Variants in ARID5B observed in about 807,000 individuals in gnomAD.
ARID5B encodes AT-rich interaction domain 5B, also known as AT-rich interactive domain-containing protein 5B.
ARID5B carries 13 observed loss-of-function variants against 97.2 expected under a neutral mutation model. The observed-to-expected ratio is 0.13, with a 90% CI of 0.09 to 0.21. The LOEUF is 0.21. Ranked by LOEUF, ARID5B falls within the 10% of genes least tolerant of loss-of-function variation. The pLI, the probability that ARID5B is intolerant of heterozygous loss-of-function variation, is 1.00. For synonymous variants in ARID5B, 556 were observed against 570.3 expected, an observed-to-expected ratio of 0.97 and a Z score of 0.36; for missense variants, 1,210 against 1,465.3, an observed-to-expected ratio of 0.83 and a Z score of 2.84.
intron 2 of ARID5B, among the ~76,000 whole-genome samples, chr10:61,911,727 G>T (rs1408024526): frequency 6.6e-6 from 1 of 152,098 alleles, no homozygotes; most frequent in Non-Finnish European, 1.5e-5. Context: ...ATGTTTTTTG[G>T]CTCATGCTCT....
intron 3 of ARID5B, among the ~76,000 whole-genome samples, chr10:61,944,578 G>A (rs1033291843): frequency 3.3e-5 from 5 of 152,114 alleles, no homozygotes; most frequent in African/African-American, 1.2e-4. Context: ...AGCGAAGTAT[G>A]AAAGCTGCAG....
At chr10:61,961,299 T>TA (rs537986390) in intron 3 of ARID5B, among the ~76,000 whole-genome samples, 1 of 152,200 alleles carries the variant, frequency 6.6e-6, no homozygotes, top group Admixed American at 6.5e-5. Flanking sequence ...ATCCTTAAAA[T>TA]AAAAAATATG....
intron 4 of ARID5B, among the ~76,000 whole-genome samples, chr10:62,043,160 G>A (rs563139175): frequency 6.6e-6 from 1 of 152,220 alleles, no homozygotes; most frequent in Non-Finnish European, 1.5e-5. Context: ...ATAGACCAGA[G>A]AGAAGGTGAG....
chr10:62,065,775 G>A (rs1051670728), intron 7 of ARID5B, among the ~76,000 whole-genome samples: 1 of 147,992 alleles, frequency 6.8e-6, no homozygotes, highest in African/African-American at 2.5e-5. Flanking sequence ...GAACCTGGAA[G>A]GCGGAGCTTG....
intron 4 of ARID5B, among the ~76,000 whole-genome samples, chr10:62,016,685 G>A (rs901987404): frequency 2.0e-5 from 3 of 152,174 alleles, no homozygotes; most frequent in African/African-American, 2.4e-5. Context: ...AAAAGCACTG[G>A]CTTCTTGGCA....
chr10:61,996,717 GT>G (rs1398578058), intron 3 of ARID5B, among the ~76,000 whole-genome samples: 4 of 152,044 alleles, frequency 2.6e-5, no homozygotes, highest in Non-Finnish European at 5.9e-5. Context: ...TGGGGAAACA[GT>G]CTCTCTGTTT....
At position 62,085,783 on chromosome 10, in the gene ARID5B, C is replaced by G; in HGVS notation, c.1281C>G (p.Asn427Lys). 6.2e-7 allele frequency: 1 copy of G among 1,614,088 alleles called. No homozygotes were observed. Among genetic ancestry groups the G allele is most frequent in the Non-Finnish European group, 8.5e-7 (1 of 1,179,986 alleles). ...LPPIKPRKQE[N>K]SSQENENKTK... ...CAATCAAACCTCGGAAACAGGAGAA[C>G]AGTTCACAGGAAAATGAGAACAAAA... The change falls in exon 9 of 10, where the codon AAC becomes AAG. Residue 427 changes from asparagine to lysine, a missense_variant. By Grantham distance (94) the Asn-to-Lys change is moderately conservative. Transcript: ENST00000279873.
At chr10:62,061,063 C>T (rs530979577) in intron 7 of ARID5B, among the ~76,000 whole-genome samples, 1 of 152,310 alleles carries the variant, frequency 6.6e-6, no homozygotes, top group East Asian at 1.9e-4. Context: ...AAACACCTGA[C>T]CACATATTTA....
At chr10:62,021,770 A>G (rs1839359017) in intron 4 of ARID5B, among the ~76,000 whole-genome samples, 1 of 152,166 alleles carries the variant, frequency 6.6e-6, no homozygotes, top group East Asian at 1.9e-4. Context: ...TGCAAACCCA[A>G]TTGCTTAGAG....
At chr10:62,032,478 G>A (rs1589266371) in intron 4 of ARID5B, among the ~76,000 whole-genome samples, 1 of 152,208 alleles carries the variant, frequency 6.6e-6, no homozygotes, top group South Asian at 2.1e-4. Context: ...AGCATTTTGG[G>A]AGGCTGAGGC....
chr10:61,915,709 C>T (rs1843889663), intron 2 of ARID5B, among the ~76,000 whole-genome samples: 1 of 152,146 alleles, frequency 6.6e-6, no homozygotes, highest in Non-Finnish European at 1.5e-5. Flanking sequence ...CAAACTAAGG[C>T]CCATAGGCCA....
chr10:61,977,449 G>T (rs1177494396), intron 3 of ARID5B, among the ~76,000 whole-genome samples: 1 of 152,176 alleles, frequency 6.6e-6, no homozygotes, highest in African/African-American at 2.4e-5. Flanking sequence ...TTCTACAATG[G>T]TTGAGCTAGT....
In ARID5B at chr10:62,078,708, A is replaced by G. The variant is rs79311495; in HGVS notation, c.1200-6994A>G. On this transcript the variant is annotated intron_variant, in intron 8 of 9. Coordinates refer to ENST00000279873, the MANE Select transcript of ARID5B (RefSeq NM_032199.3). Reference sequence around the variant, plus strand: ...CTTAAGTCCATTCCAACTTTCTTCAATGTGGTTGTCATTTGAAAGGCATAG... The same window carrying G: ...CTTAAGTCCATTCCAACTTTCTTCAGTGTGGTTGTCATTTGAAAGGCATAG... Among the ~76,000 whole-genome samples, 861 of 152,254 alleles carry G rather than the reference A, an allele frequency of 5.7e-3. 4 individuals carry two copies. The highest frequency in any genetic ancestry group is 0.019 in the African/African-American group (787 of 41,532).
chr10:61,948,325 T>C (rs146315822), intron 3 of ARID5B, among the ~76,000 whole-genome samples: 2 of 151,406 alleles, frequency 1.3e-5, no homozygotes, highest in African/African-American at 2.4e-5. Flanking sequence ...CCCTAAGATG[T>C]GCTTTCAGAA....
intron 3 of ARID5B, among the ~76,000 whole-genome samples, chr10:61,941,507 A>T (rs1844409735): frequency 6.6e-6 from 1 of 151,298 alleles, no homozygotes; most frequent in Non-Finnish European, 1.5e-5. Flanking sequence ...TTAATGTGAC[A>T]ACTTCCTGGT....
At chr10:62,078,317 T>C (rs987197769) in intron 8 of ARID5B, among the ~76,000 whole-genome samples, 8 of 152,130 alleles carry the variant, frequency 5.3e-5, no homozygotes, top group Admixed American at 5.2e-4. Context: ...GGTGATACCC[T>C]ATCTCTACTA....
chr10:61,978,452 G>A (rs1589243450), intron 3 of ARID5B, among the ~76,000 whole-genome samples: 1 of 152,202 alleles, frequency 6.6e-6, no homozygotes, highest in African/African-American at 2.4e-5. Flanking sequence ...ACCTTGGGCA[G>A]TATGGCCATT....
At chr10:61,969,762 T>A (rs1838600295) in intron 3 of ARID5B, among the ~76,000 whole-genome samples, 1 of 152,224 alleles carries the variant, frequency 6.6e-6, no homozygotes, top group Non-Finnish European at 1.5e-5. Context: ...CAGAATAAAT[T>A]GGCATTTTCC....
chr10:61,905,295 G>A (rs1012161100), intron 2 of ARID5B, among the ~76,000 whole-genome samples: 8 of 152,258 alleles, frequency 5.3e-5, no homozygotes, highest in South Asian at 2.1e-4. Flanking sequence ...GGACAGCCAG[G>A]ACTCAGTATG....
Sources: gnomAD v4.1 joint callset for allele counts (sites outside exome capture counted in the v4.1 genomes callset) on GRCh38, gnomAD v4.1.1 for gene constraint, MANE v1.5 for transcripts, NCBI Gene and HGNC (gene_info 2026-07-23, HGNC 2026-07-21) for gene names.